OR2AK2: variants seen among roughly 807,000 people sequenced by gnomAD.
OR2AK2 encodes the protein olfactory receptor family 2 subfamily AK member 2, also known as olfactory receptor 2AK2.
For missense variants in OR2AK2, 392 were observed against 384.1 expected, an observed-to-expected ratio of 1.02 and a Z score of -0.17; for synonymous variants, 139 against 147.2, an observed-to-expected ratio of 0.94 and a Z score of 0.40.
Position 247,966,300 on chromosome 1 carries a change from G to A in OR2AK2, c.924G>A (p.Trp308Ter). The change falls in exon 1 of 1, where the codon TGG becomes TGA. Residue 308 changes from tryptophan (W) to a stop codon, truncating the protein, a stop_gained. Coordinates refer to ENST00000366480, the Ensembl canonical transcript of OR2AK2. LOFTEE classifies it low-confidence loss of function (END_TRUNC). ...CAGTGAGGAGACTGTTGGGATATTGGATATGCTGTAGAAAATATGACTTCA... is the reference window on the plus strand; with the variant it reads ...CAGTGAGGAGACTGTTGGGATATTGAATATGCTGTAGAAAATATGACTTCA... 6.2e-7 allele frequency: 1 copy of A among 1,613,486 alleles called. No individual in the cohort carries two copies. Among genetic ancestry groups the A allele is most frequent in the Non-Finnish European group, 8.5e-7 (1 of 1,179,792 alleles).
chr1:247,965,424 TC>T lies in OR2AK2; in HGVS notation c.49del (p.Leu17PhefsTer7). On this transcript the variant is annotated frameshift_variant, in exon 1 of 1. Transcript: ENST00000366480. LOFTEE classifies it low-confidence loss of function (END_TRUNC). The stretch of plus-strand genomic sequence containing the variant: ...TTGGGACAGATTTTCTACTTGTTGG[TC>T]TTTTCCAATATGGCTGGATAAACTC... 6.2e-7 allele frequency: 1 copy of T among 1,613,424 alleles called. No individual in the cohort carries two copies. The highest frequency in any genetic ancestry group is 8.5e-7 in the Non-Finnish European group (1 of 1,179,692).
chr1:247,965,267 A>C lies in OR2AK2; in HGVS notation c.-110A>C. ...CATGTAGATAGTTGCCAAACATGTA[A>C]GTGAATATTTATTTCTGAATGCCAT... On this transcript the variant is annotated 5_prime_UTR_variant, in exon 1 of 1. An upstream open reading frame in the 5' UTR loses its in-frame stop. Transcript: ENST00000366480. 7.6e-7 allele frequency: 1 copy of C among 1,310,930 alleles called. No individual in the cohort carries two copies. Among genetic ancestry groups the C allele is most frequent in the Non-Finnish European group, 1.0e-6 (1 of 968,802 alleles). The allele number at this position is 1,310,930 out of a possible 1,614,324, so 81.2% of individuals were successfully genotyped here. A position where few individuals can be genotyped will look rare whatever the true frequency, so the allele number is the denominator to read the frequency against.
At position 247,965,267 on chromosome 1, in the gene OR2AK2, A is replaced by G; in HGVS notation, c.-110A>G. On this transcript the variant is annotated 5_prime_UTR_variant, in exon 1 of 1. The change abolishes the stop of an existing upstream ORF in the 5' untranslated region. Coordinates refer to ENST00000366480, the Ensembl canonical transcript of OR2AK2. ...CATGTAGATAGTTGCCAAACATGTA[A>G]GTGAATATTTATTTCTGAATGCCAT... 7.6e-7 allele frequency: 1 copy of G among 1,310,930 alleles called. No individual in the cohort carries two copies. The highest frequency in any genetic ancestry group is 1.0e-6 in the Non-Finnish European group (1 of 968,802). The allele number at this position is 1,310,930 out of a possible 1,614,324, so 81.2% of individuals were successfully genotyped here. A position where few individuals can be genotyped will look rare whatever the true frequency, so the allele number is the denominator to read the frequency against.
At position 247,966,076 on chromosome 1, in the gene OR2AK2, C is replaced by T. The variant is rs762679392; in HGVS notation, c.700C>T (p.Gln234Ter). The change falls in exon 1 of 1, where the codon CAG becomes TAG. Residue 234 changes from glutamine to a stop codon, truncating the protein, a stop_gained. Transcript: ENST00000366480. LOFTEE classifies it low-confidence loss of function (END_TRUNC). ...ATTCCAGATGAGCTCAGGAAAAGGA[C>T]AGGCAAAAGCTGTTTCCACTTGTTC... The T allele has an allele frequency of 2.5e-6, 4 of 1,614,068 alleles. No homozygotes were observed. The highest frequency in any genetic ancestry group is 2.7e-5 in the African/African-American group (2 of 74,920).
chr1:247,965,955 C>T, exon 1 of OR2AK2: 2 of 1,608,626 alleles, frequency 1.2e-6, no homozygotes, highest in Non-Finnish European at 8.5e-7. Flanking sequence ...AGGACACCTC[C>T]CAGTATGAGT....
At chr1:247,965,420 T>G (rs41304159) in exon 1 of OR2AK2, 1 of 1,613,112 alleles carries the variant, frequency 6.2e-7, no homozygotes, top group Non-Finnish European at 8.5e-7. Context: ...TTTCTACTTG[T>G]TGGTCTTTTC....
Position 247,966,141 on chromosome 1 carries a change from T to C in OR2AK2, c.765T>C (p.Thr255=). Reference sequence around the variant, plus strand: ...TGGCAAGCCTGTTCTATGCAACCACTCTCTTTACCTACACAAGGCCACACT... The same window carrying C: ...TGGCAAGCCTGTTCTATGCAACCACCCTCTTTACCTACACAAGGCCACACT... Residue 255 remains threonine, a synonymous_variant, in exon 1 of 1, where the codon ACT becomes ACC. Transcript: ENST00000366480. 6.8e-6 allele frequency: 11 copies of C among 1,614,094 alleles called. 1 individual carries two copies. The highest frequency in any genetic ancestry group is 2.2e-5 in the South Asian group (2 of 91,084).
rs143777155 is a variant in OR2AK2, at chr1:247,966,002, T to C, written c.626T>C (p.Leu209Pro). The C allele has an allele frequency of 2.6e-3, 4,257 of 1,612,962 alleles. 12 individuals are homozygous for C. Among genetic ancestry groups the C allele is most frequent in the Middle Eastern group, 0.013 (76 of 6,060 alleles). ...CTGAGTGGACTTATTATCTTGCTAC[T>C]ACCATTCCTAGCCATTCTGGCTTCC... Residue 209 changes from leucine (L) to proline (P), a missense_variant, in exon 1 of 1, where the codon CTA becomes CCA. Physicochemically the swap from Leu to Pro is moderately conservative, Grantham distance 98. Coordinates refer to ENST00000366480, the Ensembl canonical transcript of OR2AK2.
At chr1:247,965,664 C>A in exon 1 of OR2AK2, 1 of 1,545,736 alleles carries the variant, frequency 6.5e-7, no homozygotes, top group Non-Finnish European at 8.7e-7. Flanking sequence ...GATTTTTGGG[C>A]TGTGAGATTC....
exon 1 of OR2AK2, chr1:247,965,870 A>C: frequency 6.2e-7 from 1 of 1,613,784 alleles, no homozygotes; most frequent in Non-Finnish European, 8.5e-7. Context: ...TATGTGTTTC[A>C]GCTTCCATTC....
At chr1:247,966,362 G>T (rs778293521) in exon 1 of OR2AK2, 1 of 1,581,908 alleles carries the variant, frequency 6.3e-7, no homozygotes, top group Non-Finnish European at 8.6e-7. Context: ...AACATAAAAA[G>T]CTGTTCCTGA....
exon 1 of OR2AK2, chr1:247,966,092 C>G: frequency 1.9e-6 from 3 of 1,614,130 alleles, no homozygotes; most frequent in Non-Finnish European, 2.5e-6. Context: ...AAAGCTGTTT[C>G]CACTTGTTCC....
At chr1:247,965,348 T>C (rs1268077238) in exon 1 of OR2AK2, 1 of 1,585,864 alleles carries the variant, frequency 6.3e-7, no homozygotes, top group South Asian at 1.2e-5. Context: ...ATTTCAGATG[T>C]CATCTCCTTT....
chr1:247,966,129 C>G (rs1660966621), exon 1 of OR2AK2: 1 of 1,614,036 alleles, frequency 6.2e-7, no homozygotes, highest in African/African-American at 1.3e-5. Context: ...CAAGCCTGTT[C>G]TATGCAACCA....
At chr1:247,965,604 C>A in exon 1 of OR2AK2, 1 of 1,571,036 alleles carries the variant, frequency 6.4e-7, no homozygotes, top group Non-Finnish European at 8.6e-7. Context: ...ACATCTCCAC[C>A]ACAGTGCCCA....
chr1:247,965,946 G>T, exon 1 of OR2AK2: 1 of 1,609,042 alleles, frequency 6.2e-7, no homozygotes, highest in Non-Finnish European at 8.5e-7. Flanking sequence ...TGGTGTGTCA[G>T]GACACCTCCC....
chr1:247,965,509 C>G (rs766843290), exon 1 of OR2AK2: 1 of 1,613,442 alleles, frequency 6.2e-7, no homozygotes, highest in South Asian at 1.1e-5. Context: ...AAATATCATG[C>G]TGATCCACCT....
chr1:247,965,667 T>C, exon 1 of OR2AK2: 1 of 1,546,744 alleles, frequency 6.5e-7, no homozygotes, highest in Non-Finnish European at 8.7e-7. Context: ...TTTTGGGCTG[T>C]GAGATTCAAA....
exon 1 of OR2AK2, chr1:247,965,755 T>A (rs1360878357): frequency 1.3e-6 from 2 of 1,574,666 alleles, no homozygotes; most frequent in Non-Finnish European, 1.7e-6. Flanking sequence ...TGTAGCTATC[T>A]GTCACCCTTT....
Sources: allele counts gnomAD v4.1 joint callset, GRCh38; gene constraint gnomAD v4.1.1; transcripts MANE v1.5; gene names NCBI Gene and HGNC (gene_info 2026-07-23, HGNC 2026-07-21).